NBAS: variants seen among roughly 807,000 people sequenced by gnomAD.
The protein encoded by NBAS is NAG/BC035112 fusion.
In NBAS, 219 loss-of-function variants were observed where a neutral mutation model predicts 302.5. That is an observed-to-expected ratio of 0.72 (90% CI 0.65 to 0.81). The LOEUF (loss-of-function observed/expected upper bound fraction) is 0.81. Ranked by LOEUF, NBAS falls within the 30% of genes least tolerant of loss-of-function variation. The pLI is 0.00. For synonymous variants in NBAS, 1,118 were observed against 1,021.6 expected (o/e 1.09, Z -1.80); for missense variants, 2,932 against 2,841.6 (o/e 1.03, Z -0.72).
intron 25 of NBAS, among the ~76,000 whole-genome samples, chr2:15,407,995 T>C (rs886590346): frequency 2.6e-5 from 4 of 152,168 alleles, no homozygotes; most frequent in African/African-American, 9.6e-5. Context: ...AGCAACAATC[T>C]GACAATTCTA....
chr2:15,002,288 T>G, the NBAS span, among the ~76,000 whole-genome samples: 1 of 152,116 alleles, frequency 6.6e-6, no homozygotes, highest in African/African-American at 2.4e-5. Context: ...ATAAAGGTTC[T>G]CCAAGGCCCC....
At chr2:14,889,781 A>G in the NBAS span, among the ~76,000 whole-genome samples, 1 of 152,180 alleles carries the variant, frequency 6.6e-6, no homozygotes, top group Admixed American at 6.5e-5. Flanking sequence ...TAAAATGGAG[A>G]GGATGAAAAT....
At chr2:15,468,558 G>A (rs781406555) in intron 16 of NBAS, 25 bp from the exon 17 acceptor site, 1 of 1,611,360 alleles carries the variant, frequency 6.2e-7, no homozygotes, top group African/African-American at 1.3e-5. Context: ...AGAAACAGAG[G>A]AATTACAGAA....
intron 48 of NBAS, among the ~76,000 whole-genome samples, chr2:15,198,313 G>A (rs1469864104): frequency 6.6e-6 from 1 of 152,128 alleles, no homozygotes; most frequent in African/African-American, 2.4e-5. Context: ...GGCTTTTATT[G>A]TAACACATTC....
At chr2:15,366,215 T>C (rs964178143) in intron 32 of NBAS, among the ~76,000 whole-genome samples, 2 of 152,228 alleles carry the variant, frequency 1.3e-5, no homozygotes, top group African/African-American at 4.8e-5. Context: ...ATATGTAACT[T>C]TTCTGGTTAT....
the NBAS span, among the ~76,000 whole-genome samples, chr2:15,021,875 A>G: frequency 2.0e-5 from 3 of 152,214 alleles, no homozygotes; most frequent in African/African-American, 7.2e-5. Context: ...ACTGGGTCTA[A>G]GTCTCGGTTT....
chr2:15,424,133 A>C (rs533796060), intron 23 of NBAS, among the ~76,000 whole-genome samples, 182 bp downstream of exon 23: 1 of 152,370 alleles, frequency 6.6e-6, no homozygotes, highest in Non-Finnish European at 1.5e-5. Flanking sequence ...GTAAGAATCC[A>C]AAACAAAAGC....
At chr2:14,921,759 C>G in the NBAS span, among the ~76,000 whole-genome samples, 1 of 152,110 alleles carries the variant, frequency 6.6e-6, no homozygotes, top group Non-Finnish European at 1.5e-5. Flanking sequence ...CTACAGAAGT[C>G]ATCCTTCCCA....
intron 44 of NBAS, among the ~76,000 whole-genome samples, chr2:15,262,495 G>C (rs1002412410): frequency 2.0e-5 from 3 of 152,058 alleles, no homozygotes; most frequent in Admixed American, 2.0e-4. Flanking sequence ...ATTATACAAA[G>C]GCAAAAACTT....
At chr2:15,287,381 A>G (rs1670093346) in intron 41 of NBAS, among the ~76,000 whole-genome samples, 198 bp from the exon 42 acceptor site, 1 of 152,194 alleles carries the variant, frequency 6.6e-6, no homozygotes, top group South Asian at 2.1e-4. Context: ...GTGTATTACA[A>G]TTTACTAAGG....
the NBAS span, among the ~76,000 whole-genome samples, chr2:14,838,530 C>A: frequency 6.6e-6 from 1 of 152,026 alleles, no homozygotes; most frequent in South Asian, 2.1e-4. Flanking sequence ...AATTTCAGTG[C>A]CAGAAGGTCT....
chr2:14,847,899 A>G, the NBAS span, among the ~76,000 whole-genome samples: 1 of 152,208 alleles, frequency 6.6e-6, no homozygotes, highest in Non-Finnish European at 1.5e-5. Flanking sequence ...CAAGCCTTAA[A>G]ACGTTCAAAA....
At chr2:15,052,765 C>T in the NBAS span, among the ~76,000 whole-genome samples, 1,105 of 152,148 alleles carry the variant, frequency 7.3e-3, 17 homozygotes, top group African/African-American at 0.026. Context: ...AATAGCAATC[C>T]AATGCAGAAA....
chr2:14,858,179 G>A, the NBAS span, among the ~76,000 whole-genome samples: 32,059 of 151,900 alleles, frequency 0.21, 5,435 homozygotes, highest in African/African-American at 0.47. Flanking sequence ...AAATACTGGT[G>A]AAGAGAAAGG....
chr2:15,533,560 A>C (rs1663327149), intron 9 of NBAS, among the ~76,000 whole-genome samples: 1 of 152,202 alleles, frequency 6.6e-6, no homozygotes, highest in South Asian at 2.1e-4. Flanking sequence ...AATATGAATG[A>C]GTGATAAAAC....
the NBAS span, among the ~76,000 whole-genome samples, chr2:14,996,812 A>C: frequency 6.6e-6 from 1 of 152,174 alleles, no homozygotes; most frequent in Non-Finnish European, 1.5e-5. Flanking sequence ...GAAGGAAAAA[A>C]GCTGTCACCA....
the NBAS span, among the ~76,000 whole-genome samples, chr2:15,092,401 G>A: frequency 1.3e-5 from 2 of 152,178 alleles, no homozygotes; most frequent in Admixed American, 1.3e-4. Context: ...AATTAATTAG[G>A]TATGTGAATC....
At chr2:15,551,165 C>T (rs761044447) in intron 6 of NBAS, among the ~76,000 whole-genome samples, 1 of 152,100 alleles carries the variant, frequency 6.6e-6, no homozygotes, top group Non-Finnish European at 1.5e-5. Context: ...AAATCCTAGA[C>T]TTCTTACTAG....
chr2:14,956,759 C>G, the NBAS span, among the ~76,000 whole-genome samples: 1 of 152,106 alleles, frequency 6.6e-6, no homozygotes. Context: ...AACCACCCCC[C>G]AAGATTCAAT....
Sources: allele counts gnomAD v4.1 joint callset (sites outside exome capture counted in the v4.1 genomes callset), GRCh38; gene constraint gnomAD v4.1.1; transcripts MANE v1.5; gene names NCBI Gene and HGNC (gene_info 2026-07-23, HGNC 2026-07-21).